Variants in ERAP1 observed in about 807,000 individuals in gnomAD.
ERAP1 encodes the protein adipocyte-derived leucine aminopeptidase.
In ERAP1, 86 loss-of-function variants were observed where a neutral mutation model predicts 103.7. That is an observed-to-expected ratio of 0.83 (90% CI 0.70 to 0.99). ERAP1 has a LOEUF of 0.99. ERAP1 is among the 50% of genes least tolerant of loss of function. The pLI, the probability that ERAP1 is intolerant of heterozygous loss-of-function variation, is 0.00. For synonymous variants in ERAP1, 398 were observed against 402.4 expected (o/e 0.99, Z 0.13); for missense variants, 1,009 against 1,128.4 (o/e 0.89, Z 1.52).
chr5:96,862,601 C>T, the ERAP1 span, among the ~76,000 whole-genome samples: 4 of 152,130 alleles, frequency 2.6e-5, no homozygotes, highest in African/African-American at 9.7e-5. Flanking sequence ...GAATAAGGGG[C>T]ATTAAAAGAT....
chr5:96,864,332 T>A, the ERAP1 span, among the ~76,000 whole-genome samples: 16 of 152,230 alleles, frequency 1.1e-4, no homozygotes, highest in Admixed American at 1.0e-3. Flanking sequence ...AAGCCATGTG[T>A]CTTTGTGTTT....
chr5:96,925,562 G>A, the ERAP1 span, among the ~76,000 whole-genome samples: 39 of 152,348 alleles, frequency 2.6e-4, no homozygotes, highest in Middle Eastern at 3.4e-3. Context: ...ACTTGATAAA[G>A]ATGCAGATTT....
chr5:96,845,052 T>C, the ERAP1 span, among the ~76,000 whole-genome samples: 5 of 152,326 alleles, frequency 3.3e-5, no homozygotes, highest in African/African-American at 1.2e-4. Flanking sequence ...GAATGGTCTG[T>C]ATGTTTAATA....
chr5:96,805,271 G>A (rs1778452285), intron 1 of ERAP1, among the ~76,000 whole-genome samples: 1 of 151,272 alleles, frequency 6.6e-6, no homozygotes, highest in Non-Finnish European at 1.5e-5. Context: ...GGTCCTTATT[G>A]ACAACAATTA....
chr5:96,776,506 G>T lies in ERAP1; in HGVS notation c.2716C>A (p.Arg906Ser), dbSNP rs748333816. 1 of 1,613,972 alleles carries T rather than the reference G, an allele frequency of 6.2e-7. No homozygotes were observed. The highest frequency in any genetic ancestry group is 8.5e-7 in the Non-Finnish European group (1 of 1,180,024). ...GTTTCAATTGTCTGTTGGACACAAC[G>T]GAGCTGAGAACCATTTTCTTTCAAA... ...SSLKENGSQL[R>S]CVQQTIETIE... Residue 906 changes from arginine to serine, a missense_variant, in exon 19 of 19, where the codon CGT (arginine) becomes AGT (serine). This residue lies in a region of ERAP1 where 611 missense variants were observed against 651.7 expected (regional missense o/e 0.94). Transcript: ENST00000443439.
Position 96,788,641 on chromosome 5 carries a change from A to G in ERAP1, c.1569T>C (p.Thr523=). The G allele has an allele frequency of 6.2e-7, 1 of 1,614,160 alleles. No individual in the cohort carries two copies. Among genetic ancestry groups the G allele is most frequent in the Non-Finnish European group, 8.5e-7 (1 of 1,180,012 alleles). Residue 523 remains threonine (T), a synonymous_variant, in exon 11 of 19, where the codon ACT becomes ACC. Coordinates refer to ENST00000443439, the MANE Select transcript of ERAP1 (RefSeq NM_001040458.3). Reference sequence around the variant, plus strand: ...GGGGAAAACCCTTCTGCAGTGTCCAAGTGTTCATCATGGTTTTCACATCCA... The same window carrying G: ...GGGGAAAACCCTTCTGCAGTGTCCAGGTGTTCATCATGGTTTTCACATCCA... The part of the protein sequence containing the change: ...EGVDVKTMMN[T]WTLQKGFPLI...
chr5:96,889,061 T>G, the ERAP1 span: 1 of 1,167,496 alleles, frequency 8.6e-7, no homozygotes, highest in South Asian at 1.5e-5. Flanking sequence ...GACAACATGC[T>G]TAATGGTATC....
the ERAP1 span, chr5:96,879,966 C>T: frequency 5.6e-6 from 9 of 1,614,048 alleles, no homozygotes; most frequent in Admixed American, 8.3e-5. Flanking sequence ...TTTGTTGCAT[C>T]TGAGAAGATC....
the ERAP1 span, among the ~76,000 whole-genome samples, chr5:96,839,942 C>T: frequency 7.9e-5 from 12 of 152,276 alleles, no homozygotes; most frequent in African/African-American, 2.6e-4. Context: ...AAAATGTGTA[C>T]TTCTCACTGT....
At chr5:96,819,950 G>T in the ERAP1 span, among the ~76,000 whole-genome samples, 1 of 152,156 alleles carries the variant, frequency 6.6e-6, no homozygotes, top group Non-Finnish European at 1.5e-5. Flanking sequence ...TTATAATTTT[G>T]CCGAGACGTA....
the ERAP1 span, among the ~76,000 whole-genome samples, chr5:96,904,370 T>C: frequency 2.9e-3 from 440 of 152,324 alleles, 3 homozygotes; most frequent in African/African-American, 0.01. Context: ...CTCACTTTAC[T>C]CAATGTGACA....
At chr5:96,922,361 G>A in the ERAP1 span, among the ~76,000 whole-genome samples, 6 of 152,102 alleles carry the variant, frequency 3.9e-5, no homozygotes, top group Non-Finnish European at 8.8e-5. Context: ...ATTCTATCTC[G>A]TCTCTAATAT....
the ERAP1 span, among the ~76,000 whole-genome samples, chr5:96,887,325 G>C: frequency 7.2e-6 from 1 of 138,758 alleles, no homozygotes; most frequent in Non-Finnish European, 1.5e-5. Flanking sequence ...TTTTGAGACA[G>C]AGTCTCACTC....
At chr5:96,835,005 C>T in the ERAP1 span, among the ~76,000 whole-genome samples, 1 of 152,114 alleles carries the variant, frequency 6.6e-6, no homozygotes, top group Admixed American at 6.5e-5. Flanking sequence ...TGAGAACCAC[C>T]AGGATGAGGG....
At chr5:96,794,355 A>G (rs1239643916) in intron 5 of ERAP1, among the ~76,000 whole-genome samples, 1 of 147,636 alleles carries the variant, frequency 6.8e-6, no homozygotes, top group Non-Finnish European at 1.5e-5. Context: ...CACTCAGCTA[A>G]TATTTTTGTA....
the ERAP1 span, among the ~76,000 whole-genome samples, chr5:96,849,521 A>C: frequency 3.3e-5 from 5 of 152,158 alleles, no homozygotes; most frequent in African/African-American, 7.2e-5. Context: ...TTACGATAGC[A>C]TAAATAATAC....
chr5:96,854,806 C>T, the ERAP1 span, among the ~76,000 whole-genome samples: 1 of 152,052 alleles, frequency 6.6e-6, no homozygotes. Context: ...AATGAATGTC[C>T]TTGAAACAGT....
exon 20 of ERAP1, chr5:96,761,336 AAATG>A (rs1157393579): frequency 1.3e-5 from 2 of 152,256 alleles, no homozygotes; most frequent in African/African-American, 4.8e-5. Context: ...TCATAACTAA[AAATG>A]AATTTAATTT....
At chr5:96,878,619 C>A in the ERAP1 span, among the ~76,000 whole-genome samples, 1 of 151,958 alleles carries the variant, frequency 6.6e-6, no homozygotes, top group East Asian at 1.9e-4. Context: ...CATGGTGACA[C>A]ATTGTCTTTC....
Sources: allele counts gnomAD v4.1 joint callset (sites outside exome capture counted in the v4.1 genomes callset), GRCh38; gene constraint gnomAD v4.1.1; regional missense constraint gnomAD v4.1.1; transcripts MANE v1.5; gene names NCBI Gene and HGNC (gene_info 2026-07-23, HGNC 2026-07-21).